Variants in CAPN2 observed in about 807,000 individuals in gnomAD.
The protein encoded by CAPN2 is calpain-2 catalytic subunit.
A neutral mutation model predicts 102.3 loss-of-function variants in CAPN2; 92 were observed. The observed-to-expected ratio is 0.90, with a 90% confidence interval of 0.76 to 1.07. The LOEUF is 1.07. CAPN2 is among the 50% of genes least tolerant of loss of function. The pLI, the probability that CAPN2 is intolerant of heterozygous loss-of-function variation, is 0.00. For synonymous variants in CAPN2, 340 were observed against 355.4 expected, an observed-to-expected ratio of 0.96 and a Z score of 0.49; for missense variants, 800 against 909.4, an observed-to-expected ratio of 0.88 and a Z score of 1.55.
At chr1:223,711,347 G>T (rs1659723096), upstream of CAPN2, among the ~76,000 whole-genome samples, 1 of 152,172 alleles carries the variant, frequency 6.6e-6, no homozygotes, top group African/African-American at 2.4e-5. Flanking sequence ...TGTGTGAGAT[G>T]AGAATCACAC....
chr1:223,702,000 CAAAAAAA>C (rs1352066565), intron 1 of CAPN2, among the ~76,000 whole-genome samples: 1 of 38,554 alleles, frequency 2.6e-5, no homozygotes, highest in African/African-American at 9.9e-5. Flanking sequence ...GACTCCGTCT[CAAAAAAA>C]AAAAAAAAAA....
Position 223,731,849 on chromosome 1 carries a change from C to T in CAPN2, c.308-12251C>T, listed in dbSNP as rs1217698225. Among the ~76,000 whole-genome samples the T allele has an allele frequency of 1.3e-5, 2 of 152,224 alleles. No homozygotes were observed. Among genetic ancestry groups the T allele is most frequent in the Non-Finnish European group, 2.9e-5 (2 of 68,038 alleles). On this transcript the variant is annotated intron_variant, in intron 2 of 20. Coordinates refer to ENST00000295006, the MANE Select transcript of CAPN2 (RefSeq NM_001748.5). This position sits in a 1 kb window ranked among gnomAD's most constrained non-coding sequence, Gnocchi z 4.2. ...GCAGCTCTGTGTTCTGCCTGCTCTTCCTCCAAGATGAGCTCCCTTGGCCAG... is the reference window on the plus strand; with the variant it reads ...GCAGCTCTGTGTTCTGCCTGCTCTTTCTCCAAGATGAGCTCCCTTGGCCAG...
chr1:223,716,017 C>T (rs1352802461), intron 1 of CAPN2, among the ~76,000 whole-genome samples: 2 of 152,222 alleles, frequency 1.3e-5, no homozygotes, highest in Non-Finnish European at 1.5e-5. Flanking sequence ...GGTTAAGTGA[C>T]TTCCCAGGGT....
At chr1:223,773,663 C>CA (rs1661540786) in intron 20 of CAPN2, among the ~76,000 whole-genome samples, 1 of 151,822 alleles carries the variant, frequency 6.6e-6, no homozygotes. Flanking sequence ...CATTGTACTC[C>CA]ATCCAGCCTG....
chr1:223,716,150 C>T (rs1039556740), intron 1 of CAPN2, among the ~76,000 whole-genome samples: 4 of 152,220 alleles, frequency 2.6e-5, no homozygotes, highest in Non-Finnish European at 4.4e-5. Context: ...TAATTCGATG[C>T]CCTACATGCC....
In CAPN2 at chr1:223,727,851, G is replaced by A. The variant is rs1660239289; in HGVS notation, c.307+10020G>A. Reference sequence around the variant, plus strand: ...TTCTTGGAGAATGGTTCCACTGGCAGGCCATTCCGTCTGCTCAGCTTCCTA... The same window carrying A: ...TTCTTGGAGAATGGTTCCACTGGCAAGCCATTCCGTCTGCTCAGCTTCCTA... On this transcript the variant is annotated intron_variant, in intron 2 of 20. Coordinates refer to ENST00000295006, the MANE Select transcript of CAPN2 (RefSeq NM_001748.5). This position sits in a 1 kb window ranked among gnomAD's most constrained non-coding sequence, Gnocchi z 4.1. Among the ~76,000 whole-genome samples, 1 of 152,128 alleles carries A rather than the reference G, an allele frequency of 6.6e-6. No homozygotes were observed. Among genetic ancestry groups the A allele is most frequent in the South Asian group, 2.1e-4 (1 of 4,826 alleles).
intron 2 of CAPN2, among the ~76,000 whole-genome samples, chr1:223,737,712 G>GA (rs1558066463): frequency 2.2e-4 from 6 of 27,192 alleles, no homozygotes; most frequent in African/African-American, 5.2e-4. Context: ...CGGGGCGGGG[G>GA]GTGGGGGGGA....
Position 223,719,260 on chromosome 1 carries a change from G to C in CAPN2, c.307+1429G>C, listed in dbSNP as rs973309786. 2.6e-5 allele frequency among the ~76,000 whole-genome samples: 4 copies of C among 152,124 alleles called. No homozygotes were observed. The South Asian group carries it at 8.3e-4, about 32-fold the overall frequency. On this transcript the variant is annotated intron_variant, in intron 2 of 20. Coordinates refer to ENST00000295006, the MANE Select transcript of CAPN2 (RefSeq NM_001748.5). ...GGCTTTAGAGAATCCAGAAACAGCC[G>C]GCGCAGTGGCTCACATCTGTAATCC...
At chr1:223,753,781 T>C (rs922055568) in intron 9 of CAPN2, among the ~76,000 whole-genome samples, 1 of 152,230 alleles carries the variant, frequency 6.6e-6, no homozygotes, top group Non-Finnish European at 1.5e-5. Flanking sequence ...TTATTTTAAA[T>C]ATGCTATAGA....
rs950033095 is a variant in CAPN2, at chr1:223,731,304, C to G, written c.308-12796C>G. ...GCCAGTTCAGATTCCTAAGCTGGCC[C>G]GGACATCCAACCCAATCCGCCTAGC... On this transcript the variant is annotated intron_variant, in intron 2 of 20. Coordinates refer to ENST00000295006, the MANE Select transcript of CAPN2 (RefSeq NM_001748.5). This position sits in a 1 kb window ranked among gnomAD's most constrained non-coding sequence, Gnocchi z 4.2. 1.3e-5 allele frequency among the ~76,000 whole-genome samples: 2 copies of G among 152,106 alleles called. No homozygotes were observed. The highest frequency in any genetic ancestry group is 4.8e-5 in the African/African-American group (2 of 41,420).
intron 14 of CAPN2, 81 bp from the exon 15 acceptor site, chr1:223,764,069 C>T (rs528865357): frequency 6.8e-5 from 75 of 1,105,160 alleles, no homozygotes; most frequent in Admixed American, 3.7e-4. Context: ...CGCAGGCCTA[C>T]CTAATGCACT....
At chr1:223,704,176 A>T (rs551355024) in intron 1 of CAPN2, among the ~76,000 whole-genome samples, 13 of 152,230 alleles carry the variant, frequency 8.5e-5, no homozygotes, top group Non-Finnish European at 1.3e-4. Flanking sequence ...CTGTAATCCC[A>T]GCTACTCAGG....
At chr1:223,737,738 C>A (rs1470321245) in intron 2 of CAPN2, among the ~76,000 whole-genome samples, 1 of 133,294 alleles carries the variant, frequency 7.5e-6, no homozygotes, top group Non-Finnish European at 1.6e-5. Flanking sequence ...TACAATAACA[C>A]CATGTACTGT....
chr1:223,724,071 G>C (rs1198349652), intron 2 of CAPN2, among the ~76,000 whole-genome samples: 2 of 152,032 alleles, frequency 1.3e-5, no homozygotes, highest in African/African-American at 4.8e-5. Context: ...TCTGAGATTA[G>C]AAGGTTGGAA....
In CAPN2 at chr1:223,772,235, TCTCTGTGAGTCAGCAGGCCCCG is replaced by T. The variant is rs1457659992; in HGVS notation, c.2077_2079+19del. 1 of 1,613,842 alleles carries T rather than the reference TCTCTGTGAGTCAGCAGGCCCCG, an allele frequency of 6.2e-7. No homozygotes were observed. The highest frequency in any genetic ancestry group is 1.7e-5 in the Admixed American group (1 of 60,010). On this transcript the variant is annotated splice_donor_variant and splice_donor_5th_base_variant and coding_sequence_variant and intron_variant, in exon 20 of 21. Coordinates refer to ENST00000295006, the MANE Select transcript of CAPN2 (RefSeq NM_001748.5). LOFTEE classifies it high-confidence loss of function. ...ACTGGAACAATAGAGCTCGACCTTATCTCTGTGAGTCAGCAGGCCCCGCCTTGCTTCTAAGGGGATGGGGGAG... is the reference window on the plus strand; with the variant it reads ...ACTGGAACAATAGAGCTCGACCTTATCCTTGCTTCTAAGGGGATGGGGGAG...
intron 2 of CAPN2, among the ~76,000 whole-genome samples, chr1:223,729,995 T>C (rs1171997899): frequency 2.9e-5 from 3 of 104,190 alleles, no homozygotes; most frequent in African/African-American, 3.9e-5. Context: ...AGAGCAAGAC[T>C]CGCTCCCAAA....
Position 223,754,702 on chromosome 1 carries a change from C to G in CAPN2, c.1136-778C>G, listed in dbSNP as rs541077848. 6.6e-6 allele frequency among the ~76,000 whole-genome samples: 1 copy of G among 152,168 alleles called. No homozygotes were observed. The highest frequency in any genetic ancestry group is 1.5e-5 in the Non-Finnish European group (1 of 68,022). On this transcript the variant is annotated intron_variant, in intron 9 of 20. Coordinates refer to ENST00000295006, the MANE Select transcript of CAPN2 (RefSeq NM_001748.5). This position sits in a 1 kb window ranked among gnomAD's most constrained non-coding sequence, Gnocchi z 4.7. ...AAATAGGTTTTGGAAGTAAAGAGGG[C>G]AGAGACATCAGGAGCAGGGCAAGGG...
chr1:223,769,946 A>G (rs2102816707), intron 17 of CAPN2, 37 bp downstream of exon 17: 2 of 1,484,584 alleles, frequency 1.3e-6, no homozygotes, highest in Non-Finnish European at 1.9e-6. Flanking sequence ...CTGTGTTGGG[A>G]AACATTCTGT....
At chr1:223,768,703 G>GT (rs1220286535) in intron 16 of CAPN2, among the ~76,000 whole-genome samples, 1 of 151,076 alleles carries the variant, frequency 6.6e-6, no homozygotes, top group African/African-American at 2.4e-5. Flanking sequence ...CTTTAAAGTA[G>GT]TTTTTTCCAA....
Sources: allele counts gnomAD v4.1 joint callset (sites outside exome capture counted in the v4.1 genomes callset), GRCh38; gene constraint gnomAD v4.1.1; non-coding constraint Gnocchi (gnomAD v3.1); transcripts MANE v1.5; gene names NCBI Gene and HGNC (gene_info 2026-07-23, HGNC 2026-07-21).